Variants in SESN1 observed in about 807,000 individuals in gnomAD.
SESN1 encodes the protein sestrin 1.
Under a neutral mutation model 59.3 loss-of-function variants are expected in SESN1, and 30 were observed. The observed-to-expected ratio is 0.51, with a 90% CI of 0.38 to 0.69. The LOEUF (loss-of-function observed/expected upper bound fraction) is 0.69, where lower values mean the gene tolerates loss of function less well. SESN1 is among the 30% of genes least tolerant of loss of function. The pLI is 0.00. For missense variants in SESN1, 566 were observed against 673.0 expected (o/e 0.84, Z 1.76); for synonymous variants, 197 against 219.9 (o/e 0.90, Z 0.92).
chr6:109,005,932 G>A (rs1779722642), intron 1 of SESN1, among the ~76,000 whole-genome samples: 1 of 152,142 alleles, frequency 6.6e-6, no homozygotes, highest in Admixed American at 6.5e-5. Flanking sequence ...AGGAAGAGAG[G>A]GTAAAGTGGG....
At chr6:109,050,623 T>G (rs147611768) in intron 1 of SESN1, among the ~76,000 whole-genome samples, 5 of 152,142 alleles carry the variant, frequency 3.3e-5, no homozygotes, top group African/African-American at 1.2e-4. Context: ...TCTATACAAA[T>G]GGGCAGGCAG....
chr6:109,094,116 T>C lies in SESN1; in HGVS notation c.-43A>G, dbSNP rs1188457324. On this transcript the variant is annotated 5_prime_UTR_variant, in exon 1 of 10. An upstream start codon of the reference 5' UTR is lost. Coordinates refer to ENST00000436639, the MANE Select transcript of SESN1 (RefSeq NM_014454.3). ...TGCGGTCTTCAGTTACCTTTCAGCA[T>C]GCCCCAAAAAAATTGCTTTGTATTT... 1 of 1,548,240 alleles carries C rather than the reference T, an allele frequency of 6.5e-7. No homozygotes were observed. Among genetic ancestry groups the C allele is most frequent in the Admixed American group, 2.1e-5 (1 of 46,846 alleles).
At position 109,087,049 on chromosome 6, in the gene SESN1, T is replaced by G. The variant is rs1319787033; in HGVS notation, c.279+6746A>C. Among the ~76,000 whole-genome samples the G allele has an allele frequency of 4.6e-5, 7 of 152,282 alleles. No individual in the cohort carries two copies. In the East Asian group the frequency reaches 1.4e-3, roughly 29 times the overall value. Reference sequence around the variant, plus strand: ...CAGGAGGCTGAGGCAGGAGAATTGCTTGACCCGGGAGGCAGAGGTTGCAGT... The same window carrying G: ...CAGGAGGCTGAGGCAGGAGAATTGCGTGACCCGGGAGGCAGAGGTTGCAGT... On this transcript the variant is annotated intron_variant, in intron 1 of 9. Transcript: ENST00000436639.
At chr6:109,069,012 G>A (rs543436543) in intron 1 of SESN1, among the ~76,000 whole-genome samples, 24 of 152,098 alleles carry the variant, frequency 1.6e-4, no homozygotes, top group East Asian at 1.4e-3. Flanking sequence ...GTGAGCCACC[G>A]CGCCCAGCCG....
At chr6:109,023,863 C>G (rs145777333) in intron 1 of SESN1, among the ~76,000 whole-genome samples, 2 of 152,110 alleles carry the variant, frequency 1.3e-5, no homozygotes, top group East Asian at 3.8e-4. Flanking sequence ...AAGTCACTTT[C>G]ATATATTTAA....
chr6:109,044,299 G>A (rs1227887034), intron 1 of SESN1, among the ~76,000 whole-genome samples: 1 of 86,022 alleles, frequency 1.2e-5, no homozygotes, highest in African/African-American at 4.6e-5. Flanking sequence ...ATGACACAGT[G>A]AGAACTTGCC....
chr6:109,045,454 GCATATAATTC>G (rs60706896), intron 1 of SESN1, among the ~76,000 whole-genome samples: 13,332 of 152,092 alleles, frequency 0.088, 1,428 homozygotes, highest in African/African-American at 0.25. Flanking sequence ...TCTTCACATG[GCATATAATTC>G]CATTTCAGAT....
At chr6:109,080,909 T>TGG (rs1187759008) in intron 1 of SESN1, among the ~76,000 whole-genome samples, 2 of 152,274 alleles carry the variant, frequency 1.3e-5, no homozygotes, top group Admixed American at 6.5e-5. Flanking sequence ...TGCACAAAAT[T>TGG]ATTCCAAGTA....
intron 1 of SESN1, among the ~76,000 whole-genome samples, chr6:109,039,074 AAGG>A (rs1426049097): frequency 1.3e-5 from 2 of 150,096 alleles, no homozygotes; most frequent in South Asian, 2.2e-4. Flanking sequence ...AGGAGGAAGA[AAGG>A]AGGGAGGAAA....
rs139350564 is a variant in SESN1 at position 109,028,190 on chromosome 6, G to T, written c.280-25847C>A. On this transcript the variant is annotated intron_variant, in intron 1 of 9. Coordinates refer to ENST00000436639, the MANE Select transcript of SESN1 (RefSeq NM_014454.3). ...TCTTCTGAAAGTTTTATAGCTTTAGGTTTTAATAGATCATATAAATTTTAT... is the reference window on the plus strand; with the variant it reads ...TCTTCTGAAAGTTTTATAGCTTTAGTTTTTAATAGATCATATAAATTTTAT... Among the ~76,000 whole-genome samples the T allele has an allele frequency of 7.1e-3, 1,084 of 152,030 alleles. 20 individuals carry two copies. The highest frequency in any genetic ancestry group is 0.025 in the African/African-American group (1,036 of 41,432).
At chr6:109,050,486 G>A (rs947224056) in intron 1 of SESN1, among the ~76,000 whole-genome samples, 13 of 151,724 alleles carry the variant, frequency 8.6e-5, no homozygotes, top group African/African-American at 3.2e-4. Flanking sequence ...ATTAAAAATA[G>A]ACTTTAAATA....
At chr6:109,004,334 T>G (rs772862202) in intron 1 of SESN1, among the ~76,000 whole-genome samples, 1 of 151,580 alleles carries the variant, frequency 6.6e-6, no homozygotes, top group Non-Finnish European at 1.5e-5. Flanking sequence ...ATATACAAAG[T>G]CAAAAGTAAA....
At chr6:109,070,018 T>G (rs1780903867) in intron 1 of SESN1, among the ~76,000 whole-genome samples, 1 of 152,264 alleles carries the variant, frequency 6.6e-6, no homozygotes, top group Non-Finnish European at 1.5e-5. Flanking sequence ...TAACTGGTCT[T>G]CATGCCTCCT....
chr6:109,019,892 T>C (rs1401128042), intron 1 of SESN1, among the ~76,000 whole-genome samples: 1 of 152,216 alleles, frequency 6.6e-6, no homozygotes, highest in African/African-American at 2.4e-5. Flanking sequence ...TTGTAGATCA[T>C]AAATACGCAT....
chr6:109,018,138 A>G (rs1347873110), intron 1 of SESN1, among the ~76,000 whole-genome samples: 1 of 152,226 alleles, frequency 6.6e-6, no homozygotes, highest in Admixed American at 6.5e-5. Context: ...AGTGGTTTTC[A>G]AATTATATTT....
intron 1 of SESN1, among the ~76,000 whole-genome samples, chr6:109,039,223 T>C (rs190449732): frequency 2.6e-4 from 40 of 152,114 alleles, no homozygotes; most frequent in African/African-American, 7.5e-4. Flanking sequence ...AGGGATACTA[T>C]AGAGGGTAGG....
intron 1 of SESN1, among the ~76,000 whole-genome samples, chr6:109,046,428 C>A (rs1453521910): frequency 2.7e-5 from 4 of 150,718 alleles, no homozygotes; most frequent in African/African-American, 9.8e-5. Context: ...GATCTCGGCT[C>A]ACTACAACCT....
intron 1 of SESN1, among the ~76,000 whole-genome samples, chr6:109,069,170 A>C (rs992569202): frequency 2.0e-5 from 3 of 152,196 alleles, no homozygotes; most frequent in Non-Finnish European, 4.4e-5. Flanking sequence ...AGAGAAGGCC[A>C]TCGTGGCAAA....
chr6:109,002,179 A>T, intron 2 of SESN1, 99 bp downstream of exon 2: 1 of 1,018,128 alleles, frequency 9.8e-7, no homozygotes, highest in East Asian at 2.5e-5. Flanking sequence ...TGACTAAAAC[A>T]TGTTGTTGAC....
Sources: gnomAD v4.1 joint callset for allele counts (sites outside exome capture counted in the v4.1 genomes callset) on GRCh38, gnomAD v4.1.1 for gene constraint, MANE v1.5 for transcripts, NCBI Gene and HGNC (gene_info 2026-07-23, HGNC 2026-07-21) for gene names.